ESRRG: variants seen among roughly 807,000 people sequenced by gnomAD.
The protein encoded by ESRRG is estrogen-related receptor gamma.
Under a neutral mutation model 44.0 loss-of-function variants are expected in ESRRG, and 13 were observed. The ratio of observed to expected loss-of-function variants is 0.30; its 90% CI spans 0.19 to 0.47. The LOEUF (loss-of-function observed/expected upper bound fraction) is 0.47, where lower values mean the gene tolerates loss of function less well. Ranked by LOEUF, ESRRG falls within the 20% of genes least tolerant of loss-of-function variation. The pLI is 1.00. For synonymous variants in ESRRG, 215 were observed against 214.6 expected (o/e 1.00, Z -0.02); for missense variants, 395 against 580.6 (o/e 0.68, Z 3.29).
rs1306551186 is a variant in ESRRG at position 216,972,323 on chromosome 1, C to T, written c.-105-32650G>A. On this transcript the variant is annotated intron_variant, in intron 1 of 7. Coordinates refer to the ESRRG transcript ENST00000359162. ...TAGGCTTGCTCCTATCTTAGTAACT[C>T]AGGAAACATCCCTGAACCACAAATA... is the stretch of plus-strand genomic sequence containing the variant. 2.6e-5 allele frequency among the ~76,000 whole-genome samples: 4 copies of T among 152,152 alleles called. No individual in the cohort carries two copies. The South Asian group carries it at 6.2e-4, about 24-fold the overall frequency.
intron 1 of ESRRG, among the ~76,000 whole-genome samples, chr1:217,011,167 G>A (rs1169047198): frequency 6.6e-6 from 1 of 152,152 alleles, no homozygotes; most frequent in Non-Finnish European, 1.5e-5. Context: ...TTTCCCAGCT[G>A]CGTACACACT....
Position 217,036,741 on chromosome 1 carries a change from C to T in ESRRG, c.-106+52766G>A, listed in dbSNP as rs992665561. 1.3e-4 allele frequency among the ~76,000 whole-genome samples: 19 copies of T among 150,994 alleles called. No individual in the cohort carries two copies. The South Asian group carries it at 2.7e-3, about 22-fold the overall frequency. On this transcript the variant is annotated intron_variant, in intron 1 of 7. Coordinates refer to the ESRRG transcript ENST00000359162. ...TAGACTTAATACCTGGGTGATGAAA[C>T]AATTTGTACAACAAACCTCCATGAC...
chr1:216,532,848 G>A (rs940968756), intron 5 of ESRRG, among the ~76,000 whole-genome samples: 15 of 152,220 alleles, frequency 9.9e-5, no homozygotes, highest in East Asian at 1.9e-4. Context: ...AATACTTGAC[G>A]GGAACAAATA....
At chr1:216,615,538 T>C (rs1024417865) in intron 3 of ESRRG, among the ~76,000 whole-genome samples, 5 of 152,162 alleles carry the variant, frequency 3.3e-5, no homozygotes, top group African/African-American at 1.2e-4. Context: ...GTTCTTGGCA[T>C]TTCAGAGTGG....
chr1:216,926,889 C>CTGAATGT (rs2062665193), intron 2 of ESRRG, among the ~76,000 whole-genome samples: 1 of 152,040 alleles, frequency 6.6e-6, no homozygotes, highest in Non-Finnish European at 1.5e-5. Context: ...ATGCTGAATG[C>CTGAATGT]AGCATGCTGT....
At chr1:217,054,724 C>G (rs1279668024) in intron 1 of ESRRG, among the ~76,000 whole-genome samples, 1 of 151,878 alleles carries the variant, frequency 6.6e-6, no homozygotes, top group Non-Finnish European at 1.5e-5. Context: ...AAATACTACG[C>G]CTTAGCAAAT....
intron 2 of ESRRG, among the ~76,000 whole-genome samples, chr1:216,733,957 C>G (rs924789052): frequency 1.4e-5 from 2 of 145,770 alleles, no homozygotes; most frequent in Admixed American, 7.0e-5. Flanking sequence ...CACTCCAGCC[C>G]GGTCAACAGA....
intron 1 of ESRRG, among the ~76,000 whole-genome samples, chr1:217,027,125 C>T (rs1020315339): frequency 2.0e-5 from 3 of 152,070 alleles, no homozygotes; most frequent in Admixed American, 6.6e-5. Flanking sequence ...TTAAATCTCT[C>T]ACCACAAAGG....
At position 216,992,028 on chromosome 1, in the gene ESRRG, A is replaced by G. The variant is rs1376902746; in HGVS notation, c.-105-52355T>C. On this transcript the variant is annotated intron_variant, in intron 1 of 7. Transcript: ENST00000359162. Reference sequence around the variant, plus strand: ...GATACGCTGCTTTCAGAGGCCAAAAAATAATAGGGGGTTGCCAAGTTGATT... The same window carrying G: ...GATACGCTGCTTTCAGAGGCCAAAAGATAATAGGGGGTTGCCAAGTTGATT... Among the ~76,000 whole-genome samples the G allele has an allele frequency of 3.3e-5, 5 of 152,270 alleles. No homozygotes were observed. In the East Asian group the frequency reaches 9.7e-4, roughly 29 times the overall value.
chr1:216,874,428 A>G (rs907357655), intron 2 of ESRRG, among the ~76,000 whole-genome samples: 1 of 152,190 alleles, frequency 6.6e-6, no homozygotes, highest in Non-Finnish European at 1.5e-5. Context: ...TAAAACTGCT[A>G]TAAAGTTTGA....
At chr1:216,999,054 G>A (rs529758995) in intron 1 of ESRRG, among the ~76,000 whole-genome samples, 1 of 152,274 alleles carries the variant, frequency 6.6e-6, no homozygotes, top group East Asian at 1.9e-4. Context: ...CTGGGCCTGA[G>A]TACAATAATA....
intron 2 of ESRRG, among the ~76,000 whole-genome samples, chr1:216,903,305 A>G (rs1299270640): frequency 1.3e-5 from 2 of 152,114 alleles, no homozygotes; most frequent in Non-Finnish European, 2.9e-5. Context: ...TTGAAAGATC[A>G]TGACTCTTGT....
rs537035450 is a variant in ESRRG at position 217,120,685 on chromosome 1, A to G, written c.-230+16982T>C. 7.9e-5 allele frequency among the ~76,000 whole-genome samples: 12 copies of G among 152,272 alleles called. No homozygotes were observed. In the East Asian group the frequency reaches 2.3e-3, roughly 29 times the overall value. ...CATACATCCCAAATTCCCTCTTAAT[A>G]TATGATTTTTGAACCACTGTTCCCT... is the stretch of plus-strand genomic sequence containing the variant. On this transcript the variant is annotated intron_variant, in intron 1 of 8. Transcript: ENST00000366940.
At chr1:216,867,778 G>A (rs76494608) in intron 2 of ESRRG, among the ~76,000 whole-genome samples, 2 of 151,908 alleles carry the variant, frequency 1.3e-5, no homozygotes, top group East Asian at 3.9e-4. Flanking sequence ...TTATAATACA[G>A]CATAATCAAC....
intron 2 of ESRRG, among the ~76,000 whole-genome samples, chr1:216,923,747 G>C (rs1379822854): frequency 6.6e-6 from 1 of 152,128 alleles, no homozygotes; most frequent in Non-Finnish European, 1.5e-5. Flanking sequence ...GCATTTTTCA[G>C]GCATATTTCT....
Position 216,551,517 on chromosome 1 carries a change from T to C in ESRRG, c.862+12702A>G, listed in dbSNP as rs187751043. 3.3e-5 allele frequency among the ~76,000 whole-genome samples: 5 copies of C among 152,198 alleles called. No individual in the cohort carries two copies. The East Asian group carries it at 9.7e-4, about 30-fold the overall frequency. On this transcript the variant is annotated intron_variant, in intron 5 of 6. Transcript: ENST00000408911. The stretch of plus-strand genomic sequence containing the variant: ...TAGATTTAAATTAAATAATAAATAG[T>C]TCTATTCTAACTATAAAAAATTGCC...
At chr1:216,870,582 A>G (rs935756318) in intron 2 of ESRRG, among the ~76,000 whole-genome samples, 2 of 151,908 alleles carry the variant, frequency 1.3e-5, no homozygotes, top group Non-Finnish European at 2.9e-5. Context: ...TGGAATTGGC[A>G]TTATTTCTTC....
At chr1:217,080,668 T>C (rs975407784) in intron 1 of ESRRG, among the ~76,000 whole-genome samples, 6 of 98,864 alleles carry the variant, frequency 6.1e-5, no homozygotes, top group Non-Finnish European at 1.2e-4. Context: ...TTTTGTTTTT[T>C]TGGTTTTTTT....
intron 1 of ESRRG, among the ~76,000 whole-genome samples, chr1:217,089,160 C>A (rs1387880253): frequency 6.6e-6 from 1 of 152,052 alleles, no homozygotes; most frequent in Non-Finnish European, 1.5e-5. Context: ...CCTAACTCTG[C>A]CCTCACTCTT....
Sources: gnomAD v4.1 joint callset for allele counts (sites outside exome capture counted in the v4.1 genomes callset) on GRCh38, gnomAD v4.1.1 for gene constraint, MANE v1.5 for transcripts, NCBI Gene and HGNC (gene_info 2026-07-23, HGNC 2026-07-21) for gene names.